The following LRP6 variants were observed in gnomAD, a reference collection of about 807,000 sequenced individuals.
LRP6 encodes low-density lipoprotein receptor-related protein 6.
LRP6 carries 43 observed loss-of-function variants against 184.1 expected under a neutral mutation model. The observed-to-expected ratio is 0.23, with a 90% CI of 0.18 to 0.30. LRP6 has a LOEUF of 0.30. LRP6 is among the 10% of genes least tolerant of loss of function. The pLI is 1.00. For synonymous variants in LRP6, 719 were observed against 684.9 expected, an observed-to-expected ratio of 1.05 and a Z score of -0.78; for missense variants, 1,571 against 2,005.3, an observed-to-expected ratio of 0.78 and a Z score of 4.14.
chr12:12,196,733 T>A lies in LRP6; in HGVS notation c.647+6470A>T, dbSNP rs1166760337. 2.0e-5 allele frequency among the ~76,000 whole-genome samples: 3 copies of A among 152,182 alleles called. No homozygotes were observed. The East Asian group carries it at 5.8e-4, about 29-fold the overall frequency. ...CATGGTGCAGTTCAATGTTTCTCTG[T>A]CCTCTGTATTTCCTACAAATGGCCA... is the stretch of plus-strand genomic sequence containing the variant. On this transcript the variant is annotated intron_variant, in intron 3 of 22. Coordinates refer to ENST00000261349, the MANE Select transcript of LRP6 (RefSeq NM_002336.3).
chr12:12,216,122 T>C (rs1864336825), intron 2 of LRP6, among the ~76,000 whole-genome samples: 1 of 152,222 alleles, frequency 6.6e-6, no homozygotes, highest in Non-Finnish European at 1.5e-5. Context: ...ACCTCTCCTC[T>C]GGTCCTAATT....
chr12:12,121,111 G>A lies in LRP6; in HGVS notation c.*15C>T, dbSNP rs373207676. 3 of 1,582,214 alleles carry A rather than the reference G, an allele frequency of 1.9e-6. No homozygotes were observed. Among genetic ancestry groups the A allele is most frequent in the Admixed American group, 1.8e-5 (1 of 56,472 alleles). On this transcript the variant is annotated 3_prime_UTR_variant, in exon 23 of 23. Transcript: ENST00000261349. ...ATTTTTACGTTGGAGGCAGTCAGAG[G>A]AGGAGGGCCCCTCCTCAGGAGGAGT... is the stretch of plus-strand genomic sequence containing the variant.
chr12:12,180,099 G>A (rs1339605331), intron 6 of LRP6, 118 bp from the exon 7 acceptor site: 20 of 746,274 alleles, frequency 2.7e-5, no homozygotes, highest in Admixed American at 5.2e-5. Context: ...TGCCAAGGAA[G>A]GGGAAAAAAA....
At chr12:12,142,746 A>T (rs1040855482) in intron 15 of LRP6, among the ~76,000 whole-genome samples, 9 of 151,952 alleles carry the variant, frequency 5.9e-5, no homozygotes, top group African/African-American at 1.9e-4. Flanking sequence ...ATCCAGCAAT[A>T]AAAAAAAGAA....
chr12:12,257,544 G>A (rs544850840), intron 1 of LRP6, among the ~76,000 whole-genome samples: 1 of 140,740 alleles, frequency 7.1e-6, no homozygotes, highest in African/African-American at 2.7e-5. Context: ...TCACGCCACT[G>A]CACTCCAGCC....
chr12:12,264,070 C>CT (rs1865696374), intron 1 of LRP6, among the ~76,000 whole-genome samples: 3 of 151,684 alleles, frequency 2.0e-5, no homozygotes, highest in Admixed American at 2.0e-4. Context: ...AAGCCCAAGA[C>CT]TTTGAGACTG....
rs116398545 is a variant in LRP6, at chr12:12,250,189, T to C, written c.56-5534A>G. On this transcript the variant is annotated intron_variant, in intron 1 of 22. Transcript: ENST00000261349. ...GCCATTCTGATTCCCCTTGCCTAAATTTACAAAATGCCTCAATACCTCAGC... is the reference window on the plus strand; with the variant it reads ...GCCATTCTGATTCCCCTTGCCTAAACTTACAAAATGCCTCAATACCTCAGC... Among the ~76,000 whole-genome samples, 835 of 152,288 alleles carry C rather than the reference T, an allele frequency of 5.5e-3. 8 individuals are homozygous for C. Among genetic ancestry groups the C allele is most frequent in the African/African-American group, 0.019 (774 of 41,548 alleles).
At chr12:12,179,394 A>C (rs1467626760) in intron 7 of LRP6, among the ~76,000 whole-genome samples, 1 of 145,944 alleles carries the variant, frequency 6.9e-6, no homozygotes, top group Non-Finnish European at 1.5e-5. Context: ...ATAGATATAG[A>C]TATAGATATA....
rs545199805 is a variant in LRP6, at chr12:12,185,916, G to A, written c.844+1007C>T. On this transcript the variant is annotated intron_variant, in intron 4 of 22. Coordinates refer to ENST00000261349, the MANE Select transcript of LRP6 (RefSeq NM_002336.3). Reference sequence around the variant, plus strand: ...CTGAAAGTGCAATGGCGTGATCTTGGCTCACTGCAACCTCTGCCTCCCGGG... The same window carrying A: ...CTGAAAGTGCAATGGCGTGATCTTGACTCACTGCAACCTCTGCCTCCCGGG... Among the ~76,000 whole-genome samples the A allele has an allele frequency of 1.7e-4, 26 of 151,234 alleles. 1 individual carries two copies. In the South Asian group the frequency reaches 5.5e-3, roughly 32 times the overall value.
intron 1 of LRP6, among the ~76,000 whole-genome samples, chr12:12,257,110 G>T (rs961283001): frequency 1.3e-5 from 2 of 152,168 alleles, no homozygotes; most frequent in African/African-American, 4.8e-5. Context: ...CTGAGGGAAG[G>T]GAGAAATGGG....
At chr12:12,209,846 G>A (rs1370254261) in intron 2 of LRP6, among the ~76,000 whole-genome samples, 1 of 152,178 alleles carries the variant, frequency 6.6e-6, no homozygotes, top group Non-Finnish European at 1.5e-5. Flanking sequence ...TAGACAAGGA[G>A]TGGCAAGTAT....
Position 12,147,519 on chromosome 12 carries a change from TAGG to T in LRP6, c.3241_3243del (p.Pro1081del), listed in dbSNP as rs770676315. On this transcript the variant is annotated inframe_deletion, in exon 15 of 23. Transcript: ENST00000261349. ...CCATCCAAAGCAGCCCGTTCAATTT[TAGG>T]AGACCTTTCCTGAAGATTGGTAAAA... The T allele has an allele frequency of 7.4e-6, 12 of 1,613,982 alleles. No homozygotes were observed. The highest frequency in any genetic ancestry group is 1.0e-5 in the Non-Finnish European group (12 of 1,180,004).
intron 1 of LRP6, among the ~76,000 whole-genome samples, chr12:12,252,690 T>C (rs1413015889): frequency 6.6e-6 from 1 of 152,210 alleles, no homozygotes; most frequent in African/African-American, 2.4e-5. Flanking sequence ...GCTTCTTTAA[T>C]CTTCTAGGTT....
chr12:12,206,845 A>G (rs1341969830), intron 2 of LRP6, among the ~76,000 whole-genome samples: 1 of 152,024 alleles, frequency 6.6e-6, no homozygotes, highest in Non-Finnish European at 1.5e-5. Context: ...TTGGGAAAAA[A>G]CTAGAGGAAA....
At chr12:12,147,275 T>C in intron 15 of LRP6, 91 bp downstream of exon 15, 3 of 1,433,570 alleles carry the variant, frequency 2.1e-6, no homozygotes, top group Non-Finnish European at 2.9e-6. Context: ...TGCCAAGAAA[T>C]GTGCCAAAAA....
At chr12:12,202,411 C>A (rs751268821) in intron 3 of LRP6, among the ~76,000 whole-genome samples, 3 of 152,164 alleles carry the variant, frequency 2.0e-5, no homozygotes, top group Admixed American at 2.0e-4. Flanking sequence ...GGTGTGATGG[C>A]GTGTGCCTAT....
intron 22 of LRP6, among the ~76,000 whole-genome samples, chr12:12,123,259 T>C (rs1949628209): frequency 6.6e-6 from 1 of 152,242 alleles, no homozygotes; most frequent in Non-Finnish European, 1.5e-5. Flanking sequence ...AAAAATAAAA[T>C]TTTGTATCTT....
At position 12,171,620 on chromosome 12, in the gene LRP6, C is replaced by A. The variant is rs1010005966; in HGVS notation, c.1546-6325G>T. Reference sequence around the variant, plus strand: ...TGGTATAGAAAGGAATTATAAGGATCCTCCGAAGAGATTAAGGGATCACCA... The same window carrying A: ...TGGTATAGAAAGGAATTATAAGGATACTCCGAAGAGATTAAGGGATCACCA... On this transcript the variant is annotated intron_variant, in intron 7 of 22. Coordinates refer to ENST00000261349, the MANE Select transcript of LRP6 (RefSeq NM_002336.3). 5.3e-5 allele frequency among the ~76,000 whole-genome samples: 8 copies of A among 152,050 alleles called. No homozygotes were observed. In the East Asian group the frequency reaches 1.5e-3, roughly 29 times the overall value.
intron 7 of LRP6, among the ~76,000 whole-genome samples, chr12:12,176,688 G>T (rs889390648): frequency 3.3e-5 from 5 of 152,128 alleles, no homozygotes; most frequent in African/African-American, 1.2e-4. Flanking sequence ...CGAGCAGGTA[G>T]CATAAATGAA....
Sources: allele counts gnomAD v4.1 joint callset (sites outside exome capture counted in the v4.1 genomes callset), GRCh38; gene constraint gnomAD v4.1.1; transcripts MANE v1.5; gene names NCBI Gene and HGNC (gene_info 2026-07-23, HGNC 2026-07-21).